The following PARD3B variants were observed in gnomAD, a reference collection of about 807,000 sequenced individuals.
PARD3B encodes partitioning defective 3 homolog B.
PARD3B carries 103 observed loss-of-function variants against 130.2 expected under a neutral mutation model. That is an observed-to-expected ratio of 0.79 (90% CI 0.67 to 0.93). The LOEUF (loss-of-function observed/expected upper bound fraction) is 0.93, where lower values mean the gene tolerates loss of function less well. PARD3B is among the 40% of genes least tolerant of loss of function. PARD3B has a pLI of 0.00. For synonymous variants in PARD3B, 583 were observed against 553.2 expected (o/e 1.05, Z -0.76); for missense variants, 1,609 against 1,499.2 (o/e 1.07, Z -1.21).
chr2:205,572,288 T>C lies in PARD3B; in HGVS notation c.3260+18885T>C, dbSNP rs542818871. Among the ~76,000 whole-genome samples the C allele has an allele frequency of 1.3e-5, 2 of 152,300 alleles. No homozygotes were observed. Among genetic ancestry groups the C allele is most frequent in the African/African-American group, 4.8e-5 (2 of 41,574 alleles). ...AGTGCTAAAATTTTATATGCATAAATGGAATTTGAAGAAGTGGCAAGATGT... is the reference window on the plus strand; with the variant it reads ...AGTGCTAAAATTTTATATGCATAAACGGAATTTGAAGAAGTGGCAAGATGT... On this transcript the variant is annotated intron_variant, in intron 22 of 22. Coordinates refer to ENST00000406610, the MANE Select transcript of PARD3B (RefSeq NM_001302769.2). The surrounding 1 kb of genome is among the most constrained non-coding windows in gnomAD (Gnocchi z 4.2).
chr2:204,812,229 T>C (rs77074441), intron 2 of PARD3B, among the ~76,000 whole-genome samples: 2,162 of 152,328 alleles, frequency 0.014, 23 homozygotes, highest in African/African-American at 0.027. Context: ...TCCATATTTA[T>C]TGTATGGATA....
At chr2:205,402,015 A>G (rs2046270169) in intron 19 of PARD3B, among the ~76,000 whole-genome samples, 1 of 152,204 alleles carries the variant, frequency 6.6e-6, no homozygotes, top group Non-Finnish European at 1.5e-5. Flanking sequence ...TTACTTTAGT[A>G]TGTGTACTAA....
chr2:205,269,856 C>T lies in PARD3B; in HGVS notation c.2185+24034C>T, dbSNP rs922616127. Among the ~76,000 whole-genome samples, 1 of 152,134 alleles carries T rather than the reference C, an allele frequency of 6.6e-6. No individual in the cohort carries two copies. Among genetic ancestry groups the T allele is most frequent in the Non-Finnish European group, 1.5e-5 (1 of 68,024 alleles). ...TATTTTCTAGAGAATTATCTGGATACTCTCATCAATATATCCTAATTCACC... is the reference window on the plus strand; with the variant it reads ...TATTTTCTAGAGAATTATCTGGATATTCTCATCAATATATCCTAATTCACC... On this transcript the variant is annotated intron_variant, in intron 16 of 22. Coordinates refer to ENST00000406610, the MANE Select transcript of PARD3B (RefSeq NM_001302769.2). The surrounding 1 kb of genome is among the most constrained non-coding windows in gnomAD (Gnocchi z 4.7).
chr2:204,800,309 A>G (rs1308023674), intron 2 of PARD3B, among the ~76,000 whole-genome samples: 1 of 152,178 alleles, frequency 6.6e-6, no homozygotes, highest in Non-Finnish European at 1.5e-5. Context: ...AGGCTTAAAG[A>G]CAGGATATTT....
chr2:205,376,083 A>G (rs183593545), intron 18 of PARD3B, among the ~76,000 whole-genome samples: 20 of 152,314 alleles, frequency 1.3e-4, no homozygotes, highest in Admixed American at 9.8e-4. Context: ...ACTGTTTTCT[A>G]TGGGCGGGCA....
At chr2:205,476,659 A>G (rs929683031) in intron 20 of PARD3B, among the ~76,000 whole-genome samples, 1 of 152,096 alleles carries the variant, frequency 6.6e-6, no homozygotes, top group African/African-American at 2.4e-5. Context: ...TTTTAGCAGG[A>G]ATGAATTTTG....
intron 2 of PARD3B, among the ~76,000 whole-genome samples, chr2:204,831,754 A>C (rs1311656110): frequency 6.6e-6 from 1 of 152,298 alleles, no homozygotes; most frequent in Non-Finnish European, 1.5e-5. Context: ...GGATATTCCT[A>C]TTTGAAAGGG....
At chr2:204,719,570 C>T (rs901205003) in intron 2 of PARD3B, among the ~76,000 whole-genome samples, 47 of 152,102 alleles carry the variant, frequency 3.1e-4, no homozygotes, top group African/African-American at 1.1e-3. Context: ...CACATGTAAC[C>T]TTCTGGTTAT....
chr2:205,268,191 T>C lies in PARD3B; in HGVS notation c.2185+22369T>C, dbSNP rs2040584963. On this transcript the variant is annotated intron_variant, in intron 16 of 22. Coordinates refer to ENST00000406610, the MANE Select transcript of PARD3B (RefSeq NM_001302769.2). This position sits in a 1 kb window ranked among gnomAD's most constrained non-coding sequence, Gnocchi z 4.1. Reference sequence around the variant, plus strand: ...ACCAAGCCCAAGAAGGAACTGCTGATCATCAGGGATCTGATCACAAAATAA... The same window carrying C: ...ACCAAGCCCAAGAAGGAACTGCTGACCATCAGGGATCTGATCACAAAATAA... Among the ~76,000 whole-genome samples, 1 of 152,242 alleles carries C rather than the reference T, an allele frequency of 6.6e-6. No homozygotes were observed. Among genetic ancestry groups the C allele is most frequent in the Non-Finnish European group, 1.5e-5 (1 of 68,036 alleles).
intron 2 of PARD3B, among the ~76,000 whole-genome samples, chr2:204,922,206 A>C (rs550905086): frequency 1.3e-5 from 2 of 152,268 alleles, no homozygotes; most frequent in East Asian, 3.9e-4. Context: ...AATAGAAATC[A>C]TGGGAATGGT....
At chr2:204,656,636 C>G (rs546062572) in intron 1 of PARD3B, among the ~76,000 whole-genome samples, 1 of 152,250 alleles carries the variant, frequency 6.6e-6, no homozygotes, top group Middle Eastern at 3.4e-3. Flanking sequence ...TTTCATGGTA[C>G]TCTTCATAAG....
rs1239312400 is a variant in PARD3B at position 205,575,676 on chromosome 2, G to A, written c.3260+22273G>A. Among the ~76,000 whole-genome samples, 3 of 152,022 alleles carry A rather than the reference G, an allele frequency of 2.0e-5. No homozygotes were observed. In the East Asian group the frequency reaches 5.8e-4, roughly 29 times the overall value. On this transcript the variant is annotated intron_variant, in intron 22 of 22. Transcript: ENST00000406610. The surrounding 1 kb of genome is among the most constrained non-coding windows in gnomAD (Gnocchi z 4.6). ...CTTTCACTTTATAATATGCATTTAAGTTTCCTCCATGCTTTTTCATGGCTT... is the reference window on the plus strand; with the variant it reads ...CTTTCACTTTATAATATGCATTTAAATTTCCTCCATGCTTTTTCATGGCTT...
chr2:204,596,694 C>T (rs1274263393), intron 1 of PARD3B, among the ~76,000 whole-genome samples: 6 of 152,040 alleles, frequency 3.9e-5, no homozygotes, highest in Non-Finnish European at 5.9e-5. Flanking sequence ...TTTGGGAGGC[C>T]GAGGCAGGTG....
At chr2:205,573,154 T>C (rs959161844) in intron 22 of PARD3B, among the ~76,000 whole-genome samples, 1 of 152,140 alleles carries the variant, frequency 6.6e-6, no homozygotes, top group African/African-American at 2.4e-5. Flanking sequence ...ACCGGTTCCC[T>C]ACCATGACGT....
Position 204,892,179 on chromosome 2 carries a change from G to T in PARD3B, c.223-72973G>T, listed in dbSNP as rs548711515. Among the ~76,000 whole-genome samples, 15 of 152,306 alleles carry T rather than the reference G, an allele frequency of 9.8e-5. No homozygotes were observed. The South Asian group carries it at 3.1e-3, about 32-fold the overall frequency. ...ACATTGCTATGAAGGTGCAATCAAG[G>T]TGGGGAGAGAGCAATGAGTGTGAAA... On this transcript the variant is annotated intron_variant, in intron 2 of 22. Transcript: ENST00000406610.
chr2:205,374,605 T>C (rs2044963836), intron 18 of PARD3B, among the ~76,000 whole-genome samples: 1 of 152,200 alleles, frequency 6.6e-6, no homozygotes, highest in South Asian at 2.1e-4. Context: ...ATATAAATCT[T>C]GTTTCCTGGT....
intron 2 of PARD3B, among the ~76,000 whole-genome samples, chr2:204,735,069 C>T (rs1054011545): frequency 1.4e-5 from 2 of 145,198 alleles, no homozygotes; most frequent in Admixed American, 6.7e-5. Context: ...TTTTTAAAAT[C>T]GTTACAGTAG....
intron 1 of PARD3B, among the ~76,000 whole-genome samples, chr2:204,620,282 C>T (rs1008224511): frequency 7.2e-5 from 11 of 152,118 alleles, no homozygotes; most frequent in Non-Finnish European, 1.5e-4. Flanking sequence ...GAGTTACAGG[C>T]GTGAGACACC....
chr2:205,271,392 T>C (rs1313599179), intron 16 of PARD3B, among the ~76,000 whole-genome samples: 1 of 152,232 alleles, frequency 6.6e-6, no homozygotes, highest in East Asian at 1.9e-4. Flanking sequence ...AAGGATTTTA[T>C]TCACTGATAA....
Sources: allele counts gnomAD v4.1 joint callset (sites outside exome capture counted in the v4.1 genomes callset), GRCh38; gene constraint gnomAD v4.1.1; non-coding constraint Gnocchi (gnomAD v3.1); transcripts MANE v1.5; gene names NCBI Gene and HGNC (gene_info 2026-07-23, HGNC 2026-07-21).